The following ITIH6 variants were observed in gnomAD, a reference collection of about 807,000 sequenced individuals.
The protein encoded by ITIH6 is inter-alpha-trypsin inhibitor heavy chain family member 6.
ITIH6 carries 60 observed loss-of-function variants against 58.2 expected under a neutral mutation model. The ratio of observed to expected loss-of-function variants is 1.03; its 90% CI spans 0.84 to 1.28. The LOEUF is 1.28. ITIH6 is among the 50% of genes most tolerant of loss of function. The probability of loss-of-function intolerance (pLI) is 0.00; values close to 1 mark genes in which losing one functional copy is unlikely to be tolerated. For synonymous variants in ITIH6, 493 were observed against 417.4 expected (o/e 1.18, Z -2.21); for missense variants, 1,290 against 1,021.1 (o/e 1.26, Z -3.59).
intron 6 of ITIH6, among the ~76,000 whole-genome samples, chrX:54,765,706 A>G (rs1313826930): frequency 9.3e-6 from 1 of 108,087 alleles, no homozygotes; most frequent in Non-Finnish European, 1.9e-5. Flanking sequence ...TGGGTTCACG[A>G]AGCGGCGTTA....
intron 6 of ITIH6, among the ~76,000 whole-genome samples, chrX:54,763,336 T>C (rs1928694107): frequency 9.0e-6 from 1 of 111,341 alleles, no homozygotes; most frequent in African/African-American, 3.3e-5. Flanking sequence ...CTTAATAGGA[T>C]TGCCTTTCCT....
rs779493356 is a variant in ITIH6, at chrX:54,750,570, G to T, written c.3730+433C>A. On this transcript the variant is annotated intron_variant, in intron 12 of 12. Coordinates refer to ENST00000218436, the MANE Select transcript of ITIH6 (RefSeq NM_198510.3). ...CCCAGATATGACTGTGTCTCTCCTCGGCTTACAACCCTTCATGGCTCCTCA... is the reference window on the plus strand; with the variant it reads ...CCCAGATATGACTGTGTCTCTCCTCTGCTTACAACCCTTCATGGCTCCTCA... 1.4e-3 allele frequency among the ~76,000 whole-genome samples: 154 copies of T among 111,316 alleles called. 2 individuals carry two copies. Among genetic ancestry groups the T allele is most frequent in the African/African-American group, 4.5e-3 (138 of 30,611 alleles).
intron 9 of ITIH6, 67 bp from the exon 10 acceptor site, chrX:54,754,032 A>G: frequency 9.4e-7 from 1 of 1,067,853 alleles, no homozygotes; most frequent in South Asian, 2.0e-5. Flanking sequence ...ATTCTGGGAC[A>G]TACTCCCAGA....
chrX:54,762,715 T>C (rs1247656068), intron 6 of ITIH6, among the ~76,000 whole-genome samples: 1 of 112,228 alleles, frequency 8.9e-6, no homozygotes, highest in African/African-American at 3.2e-5. Context: ...TTACATGAAA[T>C]ATTTTTACTT....
intron 5 of ITIH6, chrX:54,787,724 T>G (rs541824203): frequency 6.3e-5 from 7 of 111,637 alleles, no homozygotes; most frequent in African/African-American, 2.3e-4. Context: ...AACACGAGGA[T>G]GCTGAGCAGT....
In ITIH6 at chrX:54,794,835, C is replaced by A. The variant is rs905103965; in HGVS notation, c.257+2107G>T. Among the ~76,000 whole-genome samples, 20 of 111,469 alleles carry A rather than the reference C, an allele frequency of 1.8e-4. No individual in the cohort carries two copies. In the Admixed American group the frequency reaches 1.8e-3, roughly 10 times the overall value. On this transcript the variant is annotated intron_variant, in intron 2 of 12. Transcript: ENST00000218436. ...TAGTCCCTCTACCCAAATCCAGGGG[C>A]CTTTTTGTAATTCACACTAAAGTGT...
At chrX:54,760,021 G>A (rs1033623241) in intron 6 of ITIH6, 94 bp from the exon 7 acceptor site, 2 of 705,256 alleles carry the variant, frequency 2.8e-6, no homozygotes, top group Admixed American at 2.9e-5. Flanking sequence ...ACATCTAAGT[G>A]TTATATGGTT....
intron 5 of ITIH6, among the ~76,000 whole-genome samples, chrX:54,783,212 A>G (rs1464480679): frequency 3.6e-5 from 4 of 112,310 alleles, no homozygotes; most frequent in Non-Finnish European, 7.5e-5. Flanking sequence ...GCCATATATG[A>G]CAGACCCACA....
At chrX:54,755,142 C>T in intron 8 of ITIH6, 33 bp from the exon 9 acceptor site, 1 of 1,131,978 alleles carries the variant, frequency 8.8e-7, no homozygotes, top group Non-Finnish European at 1.2e-6. Flanking sequence ...GAAAACCCTT[C>T]AAATTCCAGG....
chrX:54,755,203 G>A (rs780364638), intron 8 of ITIH6, 94 bp from the exon 9 acceptor site: 2 of 712,426 alleles, frequency 2.8e-6, no homozygotes, highest in African/African-American at 4.2e-5. Flanking sequence ...TGGCTCTGCA[G>A]GTTGACCTGC....
At chrX:54,775,899 G>A (rs1383221036) in intron 5 of ITIH6, among the ~76,000 whole-genome samples, 3 of 111,904 alleles carry the variant, frequency 2.7e-5, no homozygotes, top group South Asian at 3.7e-4. Flanking sequence ...TCCACTGATC[G>A]TCATCCCCCT....
chrX:54,790,842 T>G lies in ITIH6; in HGVS notation c.611A>C (p.His204Pro), dbSNP rs1329433966. ...CCATAGTGCTGCCCACATACTTGCA[T>G]GGGCATTGGTGCGCAGACGGCCGGT... is the stretch of plus-strand genomic sequence containing the variant. ...LRTGRLRTNAHASEVDSPPST... is the reference protein window; with the variant it reads ...LRTGRLRTNAPASEVDSPPST... The change falls in exon 4 of 13, where the codon CAT becomes CCT. Residue 204 changes from histidine (H) to proline (P), a missense_variant. Transcript: ENST00000218436. 1 of 1,212,020 alleles carries G rather than the reference T, an allele frequency of 8.3e-7. No individual in the cohort carries two copies. Among genetic ancestry groups the G allele is most frequent in the East Asian group, 3.0e-5 (1 of 33,820 alleles).
chrX:54,788,645 C>T lies in ITIH6; in HGVS notation c.621G>A (p.Glu207=), dbSNP rs145655116. The change falls in exon 5 of 13, where the codon GAG becomes GAA. Residue 207 remains glutamate (E), a synonymous_variant. Transcript: ENST00000218436. The part of the protein sequence containing the change: ...GRLRTNAHAS[E]VDSPPSTRIE... The stretch of plus-strand genomic sequence containing the variant: ...TCCTGGTGGATGGGGGTGAATCCAC[C>T]TCACCTGTATGGGTGGGGAGGATCG... The T allele has an allele frequency of 6.6e-6, 8 of 1,205,408 alleles. No homozygotes were observed. Among genetic ancestry groups the T allele is most frequent in the Non-Finnish European group, 7.8e-6 (7 of 891,722 alleles).
In ITIH6 at chrX:54,758,869, G is replaced by T; in HGVS notation, c.1205C>A (p.Ala402Asp). Residue 402 changes from alanine to aspartate, a missense_variant, in exon 8 of 13, where the codon GCC becomes GAC. Coordinates refer to ENST00000218436, the MANE Select transcript of ITIH6 (RefSeq NM_198510.3). ...GATCACACTGGGGGTCGTCACGCCG[G>T]CCGTGGGCTCCCCATCCGTCAGGAA... Reference protein sequence around the residue: ...IIFLTDGEPTAGVTTPSVILS... With the variant: ...IIFLTDGEPTDGVTTPSVILS... 2 of 1,211,308 alleles carry T rather than the reference G, an allele frequency of 1.7e-6. No homozygotes were observed. The highest frequency in any genetic ancestry group is 3.5e-5 in the South Asian group (2 of 56,883).
At chrX:54,782,592 A>C (rs1569544225) in intron 5 of ITIH6, among the ~76,000 whole-genome samples, 1 of 111,541 alleles carries the variant, frequency 9.0e-6, no homozygotes, top group Non-Finnish European at 1.9e-5. Flanking sequence ...AAAATCTAGA[A>C]GAAATGGACA....
At chrX:54,753,592 G>A (rs1277709137) in intron 11 of ITIH6, 59 bp downstream of exon 11, 7 of 832,981 alleles carry the variant, frequency 8.4e-6, no homozygotes, top group South Asian at 4.1e-5. Context: ...ATGTCTAGGG[G>A]TATTGACATG....
chrX:54,797,782 G>A (rs1929470130), intron 1 of ITIH6, among the ~76,000 whole-genome samples: 1 of 111,368 alleles, frequency 9.0e-6, no homozygotes, highest in African/African-American at 3.3e-5. Context: ...GTGTGGGGCA[G>A]TGGGAAATGA....
intron 4 of ITIH6, 80 bp from the exon 5 acceptor site, chrX:54,788,729 G>T: frequency 1.2e-6 from 1 of 815,616 alleles, no homozygotes; most frequent in Non-Finnish European, 1.8e-6. Flanking sequence ...GCAGCACAAA[G>T]GGTGCTATCT....
rs749310350 is a variant in ITIH6, at chrX:54,757,100, T to G, written c.2974A>C (p.Ile992Leu). 5 of 1,209,574 alleles carry G rather than the reference T, an allele frequency of 4.1e-6. No individual in the cohort carries two copies. The Admixed American group carries it at 1.1e-4, about 26-fold the overall frequency. The change falls in exon 8 of 13, where the codon ATC becomes CTC. Residue 992 changes from isoleucine to leucine, a missense_variant. Transcript: ENST00000218436. Reference sequence around the variant, plus strand: ...AGCAGACTGATGGCCTCAGGGAGGATGCTAGAAGGCAGCAAGATTGGCAGG... The same window carrying G: ...AGCAGACTGATGGCCTCAGGGAGGAGGCTAGAAGGCAGCAAGATTGGCAGG... The part of the protein sequence containing the change: ...PNLPILLPSS[I>L]LPEAISLLLL...
Sources: allele counts gnomAD v4.1 joint callset (sites outside exome capture counted in the v4.1 genomes callset), GRCh38; gene constraint gnomAD v4.1.1; transcripts MANE v1.5; gene names NCBI Gene and HGNC (gene_info 2026-07-23, HGNC 2026-07-21).